The following MTFMT variants were observed in gnomAD, a reference collection of about 807,000 sequenced individuals.
MTFMT encodes mitochondrial methionyl-tRNA formyltransferase, also known as methionyl-tRNA formyltransferase, mitochondrial.
MTFMT carries 47 observed loss-of-function variants against 51.8 expected under a neutral mutation model. The observed-to-expected ratio is 0.91, with a 90% CI of 0.72 to 1.16. The LOEUF (loss-of-function observed/expected upper bound fraction) is 1.16. MTFMT is among the 50% of genes most tolerant of loss of function. The pLI, the probability that MTFMT is intolerant of heterozygous loss-of-function variation, is 0.00. For synonymous variants in MTFMT, 196 were observed against 176.7 expected (o/e 1.11, Z -0.87); for missense variants, 512 against 482.3 (o/e 1.06, Z -0.58).
chr15:65,029,410 G>C lies in MTFMT; in HGVS notation c.204C>G (p.Ala68=), dbSNP rs2086459351. The C allele has an allele frequency of 6.0e-6, 9 of 1,494,498 alleles. No homozygotes were observed. Among genetic ancestry groups the C allele is most frequent in the Non-Finnish European group, 8.0e-6 (9 of 1,123,638 alleles). The allele number at this position is 1,494,498 out of a possible 1,614,324, so 92.6% of individuals were successfully genotyped here. Residue 68 remains alanine, a synonymous_variant, in exon 1 of 9, where the codon GCC becomes GCG. Coordinates refer to ENST00000220058, the MANE Select transcript of MTFMT (RefSeq NM_139242.4). ...CGGATCCCTGGCCCGGGTACCTGGC[G>C]GCGTGCAGCGCCCGCAGCGCCTCGC... The part of the protein sequence containing the change: ...FAREALRALH[A]ARENKEEELI...
At chr15:65,027,262 ATC>A (rs2086433865) in intron 1 of MTFMT, among the ~76,000 whole-genome samples, 1 of 149,556 alleles carries the variant, frequency 6.7e-6, no homozygotes, top group African/African-American at 2.5e-5. Context: ...CAGTGGAGCG[ATC>A]TCAGCTCACT....
intron 1 of MTFMT, among the ~76,000 whole-genome samples, chr15:65,027,265 T>G (rs949599042): frequency 6.6e-6 from 1 of 151,654 alleles, no homozygotes; most frequent in Non-Finnish European, 1.5e-5. Flanking sequence ...TGGAGCGATC[T>G]CAGCTCACTG....
intron 5 of MTFMT, among the ~76,000 whole-genome samples, chr15:65,019,051 A>G (rs759201586): frequency 6.6e-6 from 1 of 152,238 alleles, no homozygotes; most frequent in Non-Finnish European, 1.5e-5. Flanking sequence ...TTGGGCAAGG[A>G]ATATCAATCT....
At chr15:65,008,194 T>TA (rs2086234478) in intron 6 of MTFMT, among the ~76,000 whole-genome samples, 1 of 152,192 alleles carries the variant, frequency 6.6e-6, no homozygotes, top group Non-Finnish European at 1.5e-5. Context: ...GTTAACTACA[T>TA]ATGCATTGTT....
At chr15:65,016,590 T>A in intron 5 of MTFMT, 63 bp from the exon 6 acceptor site, 4 of 1,086,702 alleles carry the variant, frequency 3.7e-6, no homozygotes, top group Non-Finnish European at 5.7e-6. Context: ...TTGACAGCTA[T>A]TGATACTGAA....
intron 2 of MTFMT, among the ~76,000 whole-genome samples, chr15:65,025,708 T>A (rs969944897): frequency 6.6e-6 from 1 of 152,162 alleles, no homozygotes; most frequent in South Asian, 2.1e-4. Context: ...TTTTAGGAGA[T>A]GCTTTGGGTA....
intron 6 of MTFMT, among the ~76,000 whole-genome samples, 187 bp from the exon 7 acceptor site, chr15:65,006,378 CT>C (rs796457972): frequency 0.021 from 2,838 of 136,106 alleles, 47 homozygotes; most frequent in South Asian, 0.12. Context: ...TTTATAAGAT[CT>C]TTTTTTTTTT....
chr15:65,022,006 T>C (rs573025689), intron 3 of MTFMT, among the ~76,000 whole-genome samples: 1 of 152,218 alleles, frequency 6.6e-6, no homozygotes, highest in South Asian at 2.1e-4. Context: ...TACAGAAAAA[T>C]TATATCATTA....
intron 8 of MTFMT, among the ~76,000 whole-genome samples, chr15:65,003,674 T>C (rs1324246105): frequency 6.7e-6 from 1 of 150,356 alleles, no homozygotes; most frequent in Non-Finnish European, 1.5e-5. Flanking sequence ...CTGACCAACA[T>C]GGCGAAACCC....
In MTFMT at chr15:65,027,009, GT is replaced by G; in HGVS notation, c.240del (p.Lys80AsnfsTer17). The G allele has an allele frequency of 6.2e-7, 1 of 1,613,874 alleles. No homozygotes were observed. The highest frequency in any genetic ancestry group is 2.2e-5 in the East Asian group (1 of 44,882). The part of the protein sequence containing the change: ...RENKEEELID[K>X]LEVVTMPSPS... ...GGGGAAGGCATTGTGACCACCTCCAGTTTGTCGATTAACTCTTCTTCTTTGT... is the reference window on the plus strand; with the variant it reads ...GGGGAAGGCATTGTGACCACCTCCAGTTGTCGATTAACTCTTCTTCTTTGT... On this transcript the variant is annotated frameshift_variant, in exon 2 of 9. Coordinates refer to ENST00000220058, the MANE Select transcript of MTFMT (RefSeq NM_139242.4). LOFTEE classifies it high-confidence loss of function.
chr15:65,009,884 G>A (rs946436552), intron 6 of MTFMT, among the ~76,000 whole-genome samples: 3 of 152,058 alleles, frequency 2.0e-5, no homozygotes, highest in African/African-American at 7.2e-5. Flanking sequence ...GAACTCCAGG[G>A]CTCAAGCGAT....
chr15:65,029,480 T>A lies in MTFMT; in HGVS notation c.134A>T (p.Lys45Met). The A allele has an allele frequency of 4.6e-6, 7 of 1,534,140 alleles. No individual in the cohort carries two copies. Among genetic ancestry groups the A allele is most frequent in the Non-Finnish European group, 6.1e-6 (7 of 1,141,946 alleles). ...GAAGAAGAGCACCCGCCAGGGAGGC[T>A]TCTCGCGGACTCTGGAGTCCCGGCA... ...EDCRDSRVRE[K>M]PPWRVLFFGT... Residue 45 changes from lysine (K) to methionine (M), a missense_variant, in exon 1 of 9, where the codon AAG becomes ATG. Coordinates refer to ENST00000220058, the MANE Select transcript of MTFMT (RefSeq NM_139242.4).
chr15:65,022,448 G>A (rs922792646), intron 3 of MTFMT, among the ~76,000 whole-genome samples: 10 of 148,076 alleles, frequency 6.8e-5, no homozygotes, highest in Non-Finnish European at 1.2e-4. Flanking sequence ...GTGAGACCCC[G>A]TCTCAAGAAA....
intron 5 of MTFMT, among the ~76,000 whole-genome samples, chr15:65,019,927 T>C (rs1205232468): frequency 6.6e-6 from 1 of 152,190 alleles, no homozygotes; most frequent in Non-Finnish European, 1.5e-5. Flanking sequence ...TTAATAATTG[T>C]TGACTCTGGG....
chr15:65,016,322 CTTTTATTTGGGATAT>C, intron 6 of MTFMT, 99 bp downstream of exon 6: 3 of 633,454 alleles, frequency 4.7e-6, no homozygotes, highest in Non-Finnish European at 8.2e-6. Context: ...TAAGATCAAC[CTTTTATTTGGGATAT>C]TTTTATTTGG....
chr15:65,018,954 A>C lies in MTFMT; in HGVS notation c.721+1243T>G, dbSNP rs117448280. ...AATTCACCTCCAATTAATGAGGAAA[A>C]ACTCTTCTTTCCAGAACAATACCAG... On this transcript the variant is annotated intron_variant, in intron 5 of 8. Transcript: ENST00000220058. 3.4e-3 allele frequency among the ~76,000 whole-genome samples: 516 copies of C among 152,320 alleles called. 1 individual carries two copies. Among genetic ancestry groups the C allele is most frequent in the Non-Finnish European group, 5.4e-3 (365 of 68,028 alleles).
chr15:65,026,886 C>A lies in MTFMT; in HGVS notation c.364G>T (p.Val122Leu), dbSNP rs1026750712. The change falls in exon 2 of 9, where the codon GTA becomes TTA. Residue 122 changes from valine to leucine, a missense_variant. Physicochemically the swap from Val to Leu is conservative, Grantham distance 32. Coordinates refer to ENST00000220058, the MANE Select transcript of MTFMT (RefSeq NM_139242.4). Reference sequence around the variant, plus strand: ...AAAAGTCGGCCAAACGAAGCCACTACTCCAACATCATATTCTCCAGATCCC... The same window carrying A: ...AAAAGTCGGCCAAACGAAGCCACTAATCCAACATCATATTCTCCAGATCCC... Reference protein sequence around the residue: ...DVGSGEYDVGVVASFGRLLNE... With the variant: ...DVGSGEYDVGLVASFGRLLNE... 6.2e-7 allele frequency: 1 copy of A among 1,614,028 alleles called. No homozygotes were observed.
At chr15:65,029,094 C>T (rs1275244472) in intron 1 of MTFMT, among the ~76,000 whole-genome samples, 2 of 152,140 alleles carry the variant, frequency 1.3e-5, no homozygotes, top group African/African-American at 4.8e-5. Context: ...GCAGGGAGGC[C>T]GTGGGACTGG....
chr15:65,029,626 C>A lies in MTFMT; in HGVS notation c.-13G>T. 2 of 1,315,738 alleles carry A rather than the reference C, an allele frequency of 1.5e-6. No homozygotes were observed. Among genetic ancestry groups the A allele is most frequent in the South Asian group, 3.3e-5 (2 of 60,550 alleles). 81.5% of individuals were successfully genotyped at this position (1,315,738 alleles called of 1,614,324 possible). ...CCAACACCCTCATCGCCTCGGCCGC[C>A]GGCGGCCGGCCCTGCGCAGGCGCAT... On this transcript the variant is annotated 5_prime_UTR_variant, in exon 1 of 9. Transcript: ENST00000220058.
Sources: allele counts gnomAD v4.1 joint callset (sites outside exome capture counted in the v4.1 genomes callset), GRCh38; gene constraint gnomAD v4.1.1; transcripts MANE v1.5; gene names NCBI Gene and HGNC (gene_info 2026-07-23, HGNC 2026-07-21).